ST6GALNAC3: variants seen among roughly 807,000 people sequenced by gnomAD.
The protein encoded by ST6GALNAC3 is ST6 N-acetylgalactosaminide alpha-2,6-sialyltransferase 3.
A neutral mutation model predicts 32.7 loss-of-function variants in ST6GALNAC3; 25 were observed. The ratio of observed to expected loss-of-function variants is 0.76; its 90% CI spans 0.56 to 1.07. The LOEUF (loss-of-function observed/expected upper bound fraction) is 1.07. Among genes scored for constraint, ST6GALNAC3 ranks in the 50% least tolerant of loss-of-function variants. ST6GALNAC3 has a pLI of 0.00. For synonymous variants in ST6GALNAC3, 129 were observed against 133.1 expected (o/e 0.97, Z 0.21); for missense variants, 355 against 382.4 (o/e 0.93, Z 0.60).
intron 2 of ST6GALNAC3, among the ~76,000 whole-genome samples, chr1:76,341,654 TTTCTTTCTTTC>T (rs1557803783): frequency 6.9e-6 from 1 of 145,984 alleles, no homozygotes; most frequent in East Asian, 2.0e-4. Flanking sequence ...TCTTTCTTTC[TTTCTTTCTTTC>T]TTTCTTTCTT....
intron 2 of ST6GALNAC3, among the ~76,000 whole-genome samples, chr1:76,330,853 G>C (rs1030307056): frequency 6.6e-6 from 1 of 152,104 alleles, no homozygotes; most frequent in African/African-American, 2.4e-5. Flanking sequence ...ATTGACAGAG[G>C]CCACCCTTTA....
At chr1:76,101,846 G>A (rs140340249) in intron 1 of ST6GALNAC3, among the ~76,000 whole-genome samples, 3 of 152,180 alleles carry the variant, frequency 2.0e-5, no homozygotes, top group African/African-American at 4.8e-5. Flanking sequence ...GAAAGAACAC[G>A]CTTTGAATGA....
chr1:76,422,547 C>A (rs1014723935), intron 3 of ST6GALNAC3, among the ~76,000 whole-genome samples: 1 of 151,910 alleles, frequency 6.6e-6, no homozygotes, highest in African/African-American at 2.4e-5. Flanking sequence ...AGTAGAACAG[C>A]GGTTCTCAAA....
intron 1 of ST6GALNAC3, among the ~76,000 whole-genome samples, chr1:76,174,906 G>A (rs1359151561): frequency 6.6e-6 from 1 of 152,010 alleles, no homozygotes; most frequent in African/African-American, 2.4e-5. Flanking sequence ...GACCTCAAGT[G>A]ATCCATCTGC....
intron 1 of ST6GALNAC3, among the ~76,000 whole-genome samples, chr1:76,237,377 A>T (rs907194897): frequency 5.9e-5 from 9 of 152,050 alleles, no homozygotes; most frequent in Admixed American, 6.6e-5. Flanking sequence ...CAAGTGATTC[A>T]CCCGCCTTGG....
intron 2 of ST6GALNAC3, among the ~76,000 whole-genome samples, chr1:76,393,989 T>C (rs1352418312): frequency 6.6e-6 from 1 of 152,204 alleles, no homozygotes; most frequent in Admixed American, 6.5e-5. Flanking sequence ...TCCATATCCA[T>C]AGAGCATCTT....
chr1:76,535,680 GGT>G (rs1663550468), intron 3 of ST6GALNAC3, among the ~76,000 whole-genome samples: 1 of 152,050 alleles, frequency 6.6e-6, no homozygotes, highest in Non-Finnish European at 1.5e-5. Flanking sequence ...TTTTCCCTTT[GGT>G]AAGGAAGTAG....
intron 1 of ST6GALNAC3, among the ~76,000 whole-genome samples, chr1:76,203,160 A>G (rs1402064275): frequency 6.6e-6 from 1 of 152,174 alleles, no homozygotes; most frequent in African/African-American, 2.4e-5. Flanking sequence ...TTCAGAGCAG[A>G]GTCACCTGGA....
At chr1:76,281,884 T>C in intron 1 of ST6GALNAC3, among the ~76,000 whole-genome samples, 1 of 152,260 alleles carries the variant, frequency 6.6e-6, no homozygotes, top group East Asian at 1.9e-4. Context: ...AAACATCTAT[T>C]GAGGTCATAC....
At chr1:76,183,319 A>G (rs1653309000) in intron 1 of ST6GALNAC3, among the ~76,000 whole-genome samples, 1 of 152,158 alleles carries the variant, frequency 6.6e-6, no homozygotes, top group South Asian at 2.1e-4. Flanking sequence ...TCTACACCAC[A>G]TGACTTCAAG....
chr1:76,397,038 T>C (rs1408729814), intron 2 of ST6GALNAC3, among the ~76,000 whole-genome samples: 1 of 152,080 alleles, frequency 6.6e-6, no homozygotes, highest in Admixed American at 6.5e-5. Flanking sequence ...ATTTACTGGG[T>C]CAATAGCCCA....
At chr1:76,193,629 T>A (rs897403433) in intron 1 of ST6GALNAC3, among the ~76,000 whole-genome samples, 4 of 152,200 alleles carry the variant, frequency 2.6e-5, no homozygotes, top group African/African-American at 9.6e-5. Flanking sequence ...GAATATTTGT[T>A]GTGCTTATGA....
At chr1:76,468,686 A>C (rs1052063261) in intron 3 of ST6GALNAC3, among the ~76,000 whole-genome samples, 6 of 152,008 alleles carry the variant, frequency 3.9e-5, no homozygotes, top group Admixed American at 3.9e-4. Context: ...TTGAGGATCT[A>C]CACTCCCATT....
chr1:76,627,394 CTGTG>C (rs1430235334), intron 3 of ST6GALNAC3, 54 bp from the exon 4 acceptor site: 3 of 1,094,826 alleles, frequency 2.7e-6, no homozygotes, highest in Non-Finnish European at 1.4e-6. Context: ...CCTTATTGTT[CTGTG>C]TGTGTGTTCT....
intron 1 of ST6GALNAC3, among the ~76,000 whole-genome samples, chr1:76,137,819 T>C (rs971527012): frequency 6.6e-6 from 1 of 152,210 alleles, no homozygotes; most frequent in African/African-American, 2.4e-5. Context: ...GAAATATCTA[T>C]ATGATTTTGA....
intron 1 of ST6GALNAC3, among the ~76,000 whole-genome samples, chr1:76,156,610 T>C (rs1651444462): frequency 6.6e-6 from 1 of 152,114 alleles, no homozygotes; most frequent in African/African-American, 2.4e-5. Flanking sequence ...ACCCCCATCA[T>C]TGCGGGTTTT....
In ST6GALNAC3 at chr1:76,386,671, G is replaced by C. The variant is rs1247126348; in HGVS notation, c.214-25337G>C. Among the ~76,000 whole-genome samples the C allele has an allele frequency of 2.0e-5, 3 of 152,250 alleles. No homozygotes were observed. The South Asian group carries it at 6.2e-4, about 32-fold the overall frequency. On this transcript the variant is annotated intron_variant, in intron 2 of 4. Transcript: ENST00000328299. ...AATGATCTCATAACTGTGGGTGTTA[G>C]AGTTAAACCTAGACCCCAACATTCC...
intron 1 of ST6GALNAC3, among the ~76,000 whole-genome samples, chr1:76,184,676 A>G (rs77099120): frequency 0.03 from 4,498 of 152,160 alleles, 117 homozygotes; most frequent in Non-Finnish European, 0.041. Flanking sequence ...AAACCAACCA[A>G]TGAGGACCAC....
At chr1:76,451,554 G>A (rs566198341) in intron 3 of ST6GALNAC3, among the ~76,000 whole-genome samples, 1 of 152,160 alleles carries the variant, frequency 6.6e-6, no homozygotes, top group African/African-American at 2.4e-5. Flanking sequence ...CATCAGCATG[G>A]AATGTGTTTC....
Sources: gnomAD v4.1 joint callset for allele counts (sites outside exome capture counted in the v4.1 genomes callset) on GRCh38, gnomAD v4.1.1 for gene constraint, MANE v1.5 for transcripts, NCBI Gene and HGNC (gene_info 2026-07-23, HGNC 2026-07-21) for gene names.